The following EPM2A variants were observed in gnomAD, a reference collection of about 807,000 sequenced individuals.
EPM2A encodes EPM2A glucan phosphatase, laforin, also known as laforin.
A neutral mutation model predicts 26.5 loss-of-function variants in EPM2A; 21 were observed. That is an observed-to-expected ratio of 0.79 (90% confidence interval 0.56 to 1.14). EPM2A has a LOEUF of 1.14. Among genes scored for constraint, EPM2A ranks in the 50% most tolerant of loss-of-function variants. The pLI, the probability that EPM2A is intolerant of heterozygous loss-of-function variation, is 0.00. For synonymous variants in EPM2A, 217 were observed against 177.6 expected, an observed-to-expected ratio of 1.22 and a Z score of -1.76; for missense variants, 458 against 440.8, an observed-to-expected ratio of 1.04 and a Z score of -0.35.
Position 145,406,016 on chromosome 6 carries a change from C to CACAAT in EPM2A, c.556-21920_556-21919insATTGT, listed in dbSNP as rs1244026131. ...CACACACACACACACACACACACAA[C>CACAAT]AGACAGACACACACACACACAGTAT... On this transcript the variant is annotated intron_variant, in intron 4 of 4. Coordinates refer to the EPM2A transcript ENST00000638717. 7.2e-5 allele frequency among the ~76,000 whole-genome samples: 8 copies of CACAAT among 110,568 alleles called. No individual in the cohort carries two copies. The East Asian group carries it at 1.8e-3, about 24-fold the overall frequency. 72.5% of individuals were successfully genotyped at this position (110,568 alleles called of 152,430 possible).
chr6:145,498,988 T>A (rs1175147315), downstream of EPM2A, among the ~76,000 whole-genome samples: 1 of 152,204 alleles, frequency 6.6e-6, no homozygotes, highest in Non-Finnish European at 1.5e-5. Context: ...ACTCCAATCT[T>A]TTCTTAGACA....
chr6:145,492,377 C>A (rs868524394), intron 4 of EPM2A, among the ~76,000 whole-genome samples: 1 of 152,092 alleles, frequency 6.6e-6, no homozygotes, highest in Non-Finnish European at 1.5e-5. Flanking sequence ...GTACCTGCCA[C>A]CCCCAAGGCC....
At chr6:145,581,332 T>C (rs1284198666) in intron 2 of EPM2A, among the ~76,000 whole-genome samples, 1 of 152,162 alleles carries the variant, frequency 6.6e-6, no homozygotes, top group East Asian at 1.9e-4. Flanking sequence ...CTTTTGTCTG[T>C]TTTTAATGGG....
At chr6:145,489,536 G>C in intron 4 of EPM2A, 2 of 637,966 alleles carry the variant, frequency 3.1e-6, no homozygotes, top group Admixed American at 3.1e-5. Flanking sequence ...GCTTAACTTT[G>C]GTCCACTTGT....
chr6:145,648,733 A>C (rs1424459799), intron 2 of EPM2A, among the ~76,000 whole-genome samples: 1 of 152,234 alleles, frequency 6.6e-6, no homozygotes, highest in Non-Finnish European at 1.5e-5. Flanking sequence ...ATGTACATTA[A>C]GGTTTAGGAA....
intron 2 of EPM2A, among the ~76,000 whole-genome samples, chr6:145,660,639 T>C (rs1015515310): frequency 6.6e-6 from 1 of 151,940 alleles, no homozygotes; most frequent in Non-Finnish European, 1.5e-5. Context: ...CTGTTTCCAC[T>C]AAAAATATAA....
At chr6:145,571,536 G>C (rs1037428252) in intron 2 of EPM2A, among the ~76,000 whole-genome samples, 3 of 152,194 alleles carry the variant, frequency 2.0e-5, no homozygotes, top group Admixed American at 6.5e-5. Context: ...TCTAGAGTAA[G>C]TGTCCATTTC....
intron 1 of EPM2A, among the ~76,000 whole-genome samples, chr6:145,719,287 C>A (rs1310152265): frequency 2.7e-5 from 4 of 149,204 alleles, no homozygotes; most frequent in Non-Finnish European, 1.5e-5. Context: ...GAATACTATG[C>A]AGCCATAAAA....
rs1775958576 is a variant in EPM2A, at chr6:145,628,031, CAG to C, written c.719-340_719-339del. On this transcript the variant is annotated intron_variant, in intron 3 of 3. Transcript: ENST00000367519. Reference sequence around the variant, plus strand: ...AATGCACTTTCACATGAAGTTTTTGCAGAGATTGGTCAGAATTTTAGAGGATT... The same window carrying C: ...AATGCACTTTCACATGAAGTTTTTGCAGATTGGTCAGAATTTTAGAGGATT... 1.0e-5 allele frequency: 3 copies of C among 286,298 alleles called. No homozygotes were observed. The East Asian group carries it at 2.1e-4, about 20-fold the overall frequency. The allele number at this position is 286,298 out of a possible 1,614,324, so 17.7% of individuals were successfully genotyped here.
At chr6:145,502,681 G>T in intron 2 of EPM2A, 1 of 437,006 alleles carries the variant, frequency 2.3e-6, no homozygotes. Context: ...AAAATAAACA[G>T]TGACTATTTC....
chr6:145,731,174 C>T (rs1302912141), intron 1 of EPM2A, among the ~76,000 whole-genome samples: 1 of 152,190 alleles, frequency 6.6e-6, no homozygotes, highest in Non-Finnish European at 1.5e-5. Flanking sequence ...CGATCTTAAG[C>T]CTGCTGGCTC....
intron 1 of EPM2A, among the ~76,000 whole-genome samples, chr6:145,725,425 C>A (rs569057739): frequency 6.6e-6 from 1 of 152,014 alleles, no homozygotes; most frequent in South Asian, 2.1e-4. Flanking sequence ...TTCAGCAAAC[C>A]CACTCCTAGA....
chr6:145,444,902 C>A (rs1182444758), intron 4 of EPM2A, among the ~76,000 whole-genome samples: 2 of 148,836 alleles, frequency 1.3e-5, no homozygotes, highest in Admixed American at 6.9e-5. Flanking sequence ...TGAACTAATT[C>A]TCCAAAATAT....
At chr6:145,441,043 A>G (rs892479098) in intron 4 of EPM2A, among the ~76,000 whole-genome samples, 1 of 152,236 alleles carries the variant, frequency 6.6e-6, no homozygotes, top group Non-Finnish European at 1.5e-5. Context: ...CTGCCCTAGC[A>G]GAGGTTCTCC....
At chr6:145,401,501 G>A (rs1048055819) in intron 4 of EPM2A, among the ~76,000 whole-genome samples, 5 of 152,118 alleles carry the variant, frequency 3.3e-5, no homozygotes, top group African/African-American at 1.2e-4. Context: ...CAGACACAAT[G>A]TTAATTAAGC....
chr6:145,733,219 C>T (rs1288661194), intron 1 of EPM2A, among the ~76,000 whole-genome samples: 1 of 151,838 alleles, frequency 6.6e-6, no homozygotes, highest in Non-Finnish European at 1.5e-5. Flanking sequence ...CCTAGAAAGT[C>T]AACAGTCAAT....
intron 4 of EPM2A, among the ~76,000 whole-genome samples, chr6:145,437,073 T>G (rs1266512681): frequency 1.3e-5 from 2 of 152,204 alleles, no homozygotes; most frequent in African/African-American, 4.8e-5. Context: ...CCAAATTTCA[T>G]GTGGAATTGT....
chr6:145,490,122 T>C (rs1014840879), intron 4 of EPM2A: 10 of 1,164,828 alleles, frequency 8.6e-6, no homozygotes, highest in East Asian at 2.3e-5. Flanking sequence ...GTCATTGATA[T>C]GTCACAGGTT....
In EPM2A at chr6:145,626,300, T is replaced by A; in HGVS notation, c.*1116A>T. 9.1e-6 allele frequency: 9 copies of A among 986,660 alleles called. No homozygotes were observed. Among genetic ancestry groups the A allele is most frequent in the Non-Finnish European group, 1.1e-5 (9 of 830,604 alleles). The allele number at this position is 986,660 out of a possible 1,614,324, so 61.1% of individuals were successfully genotyped here. The stretch of plus-strand genomic sequence containing the variant: ...CTGCATAGTCTGGAGGCACAGGAAC[T>A]GCATATTATACTAAATTGAGAGCTG... On this transcript the variant is annotated 3_prime_UTR_variant, in exon 4 of 4. Transcript: ENST00000367519.
Sources: allele counts gnomAD v4.1 joint callset (sites outside exome capture counted in the v4.1 genomes callset), GRCh38; gene constraint gnomAD v4.1.1; transcripts MANE v1.5; gene names NCBI Gene and HGNC (gene_info 2026-07-23, HGNC 2026-07-21).